MSRA: variants seen among roughly 807,000 people sequenced by gnomAD.
MSRA encodes the protein mitochondrial peptide methionine sulfoxide reductase.
A neutral mutation model predicts 31.3 loss-of-function variants in MSRA; 54 were observed. That is an observed-to-expected ratio of 1.73 (90% CI 1.39 to 2.17). The LOEUF is 2.17. MSRA is among the 30% of genes most tolerant of loss of function. The pLI, the probability that MSRA is intolerant of heterozygous loss-of-function variation, is 0.00. For missense variants in MSRA, 507 were observed against 300.9 expected (o/e 1.69, Z -5.07); for synonymous variants, 169 against 116.5 (o/e 1.45, Z -2.90).
At chr8:10,424,000 G>C (rs377223889) in intron 5 of MSRA, among the ~76,000 whole-genome samples, 1 of 152,210 alleles carries the variant, frequency 6.6e-6, no homozygotes, top group Non-Finnish European at 1.5e-5. Context: ...TAGTGGAAGT[G>C]GCTTGGAGAA....
At chr8:10,154,123 G>A (rs921612674) in intron 1 of MSRA, among the ~76,000 whole-genome samples, 3 of 152,180 alleles carry the variant, frequency 2.0e-5, no homozygotes, top group Non-Finnish European at 4.4e-5. Context: ...TATATTTGTT[G>A]AAAGTAGAAT....
intron 3 of MSRA, among the ~76,000 whole-genome samples, chr8:10,259,531 G>A (rs1273169742): frequency 6.6e-6 from 1 of 152,134 alleles, no homozygotes; most frequent in African/African-American, 2.4e-5. Context: ...TCCTGTGGCT[G>A]GGGGTGGGAT....
chr8:10,301,743 C>A, intron 4 of MSRA, 105 bp downstream of exon 4: 1 of 871,156 alleles, frequency 1.1e-6, no homozygotes, highest in Non-Finnish European at 1.8e-6. Context: ...CACACAGGAG[C>A]TCAAGAATAT....
intron 1 of MSRA, among the ~76,000 whole-genome samples, chr8:10,107,555 G>A (rs769216438): frequency 3.3e-5 from 5 of 152,086 alleles, no homozygotes; most frequent in African/African-American, 1.2e-4. Flanking sequence ...TTCAATAACA[G>A]ATCAGTGTAG....
intron 1 of MSRA, among the ~76,000 whole-genome samples, chr8:10,164,487 C>A (rs1804946958): frequency 6.6e-6 from 1 of 152,000 alleles, no homozygotes; most frequent in African/African-American, 2.4e-5. Context: ...GGTTTTGACC[C>A]CTTCCTTCCT....
chr8:10,206,745 T>C (rs1483559433), intron 1 of MSRA, among the ~76,000 whole-genome samples: 2 of 152,218 alleles, frequency 1.3e-5, no homozygotes, highest in Non-Finnish European at 2.9e-5. Context: ...CACCCAGCTC[T>C]CCTGCTACAA....
At chr8:10,227,406 G>C (rs1448718504) in intron 2 of MSRA, among the ~76,000 whole-genome samples, 1 of 152,156 alleles carries the variant, frequency 6.6e-6, no homozygotes. Context: ...AAGAGGCAGA[G>C]GGTAATTTGA....
chr8:10,055,461 C>G (rs1802298343), intron 1 of MSRA, among the ~76,000 whole-genome samples: 1 of 152,220 alleles, frequency 6.6e-6, no homozygotes, highest in Admixed American at 6.5e-5. Context: ...TTAATATTAC[C>G]TTAGTGCAGC....
At chr8:10,353,503 A>G (rs1439504936) in intron 5 of MSRA, 6 of 414,282 alleles carry the variant, frequency 1.4e-5, no homozygotes, top group Non-Finnish European at 2.4e-5. Flanking sequence ...AGGCCCGTGT[A>G]TCTGTGTTAG....
At chr8:10,222,205 A>T (rs969459507) in intron 2 of MSRA, among the ~76,000 whole-genome samples, 2 of 152,116 alleles carry the variant, frequency 1.3e-5, no homozygotes, top group Non-Finnish European at 2.9e-5. Context: ...TGGCTTTTGA[A>T]CGTAACTACT....
intron 2 of MSRA, among the ~76,000 whole-genome samples, chr8:10,212,938 G>A (rs1009757581): frequency 6.6e-6 from 1 of 151,754 alleles, no homozygotes; most frequent in Non-Finnish European, 1.5e-5. Flanking sequence ...TATATTTATG[G>A]GGCATGTGAG....
intron 1 of MSRA, among the ~76,000 whole-genome samples, chr8:10,157,597 C>T (rs1293752158): frequency 6.6e-6 from 1 of 151,706 alleles, no homozygotes; most frequent in Non-Finnish European, 1.5e-5. Context: ...TTGTAAGGGG[C>T]AATGAAAGTT....
At chr8:10,381,392 C>T (rs1390707597) in intron 5 of MSRA, among the ~76,000 whole-genome samples, 1 of 152,154 alleles carries the variant, frequency 6.6e-6, no homozygotes, top group Non-Finnish European at 1.5e-5. Context: ...GGGCTAATCC[C>T]CAGGACCTCA....
intron 1 of MSRA, among the ~76,000 whole-genome samples, chr8:10,159,355 C>T (rs1483501029): frequency 2.0e-5 from 3 of 152,128 alleles, no homozygotes; most frequent in Non-Finnish European, 2.9e-5. Context: ...GAGAGGAGAT[C>T]AGGAGTGGTC....
At chr8:10,337,722 G>C (rs763613848) in intron 5 of MSRA, 2 of 702,466 alleles carry the variant, frequency 2.8e-6, no homozygotes, top group African/African-American at 3.5e-5. Flanking sequence ...GTGCTTCCCT[G>C]TTCTTCCTCA....
chr8:10,258,211 A>G (rs4504638), intron 3 of MSRA, among the ~76,000 whole-genome samples: 34,731 of 152,152 alleles, frequency 0.23, 4,890 homozygotes, highest in South Asian at 0.34. Context: ...ACGCAGGGAC[A>G]GTCTATGTCT....
At chr8:10,098,667 A>G (rs1003899602) in intron 1 of MSRA, among the ~76,000 whole-genome samples, 13 of 152,208 alleles carry the variant, frequency 8.5e-5, no homozygotes, top group Non-Finnish European at 1.9e-4. Flanking sequence ...TGTGATTATA[A>G]AAAATCAGGA....
At chr8:10,356,850 C>G (rs980954269) in intron 5 of MSRA, among the ~76,000 whole-genome samples, 1 of 148,620 alleles carries the variant, frequency 6.7e-6, no homozygotes, top group Non-Finnish European at 1.5e-5. Context: ...ATCAACACAG[C>G]GTGCACGTTC....
At chr8:10,401,524 C>T (rs186384981) in intron 5 of MSRA, among the ~76,000 whole-genome samples, 10 of 152,288 alleles carry the variant, frequency 6.6e-5, no homozygotes, top group Admixed American at 5.2e-4. Context: ...AGGAGTTAAA[C>T]GTAGAATTGC....
Sources: allele counts gnomAD v4.1 joint callset (sites outside exome capture counted in the v4.1 genomes callset), GRCh38; gene constraint gnomAD v4.1.1; transcripts MANE v1.5; gene names NCBI Gene and HGNC (gene_info 2026-07-23, HGNC 2026-07-21).